Variants in NKAIN2 observed in about 807,000 individuals in gnomAD.
The protein encoded by NKAIN2 is sodium/potassium-transporting ATPase subunit beta-1-interacting protein 2.
A neutral mutation model predicts 32.6 loss-of-function variants in NKAIN2; 14 were observed. The observed-to-expected ratio is 0.43, with a 90% CI of 0.28 to 0.67. NKAIN2 has a LOEUF of 0.67. NKAIN2 is among the 30% of genes least tolerant of loss of function. NKAIN2 has a pLI of 0.17. For missense variants in NKAIN2, 198 were observed against 258.3 expected (o/e 0.77, Z 1.60); for synonymous variants, 80 against 87.2 (o/e 0.92, Z 0.46).
At chr6:123,907,051 G>A (rs571531556) in intron 1 of NKAIN2, among the ~76,000 whole-genome samples, 1 of 152,260 alleles carries the variant, frequency 6.6e-6, no homozygotes, top group South Asian at 2.1e-4. Context: ...CTGATCTCCT[G>A]TGAACAGTGG....
chr6:124,683,650 T>G (rs1773727177), intron 4 of NKAIN2, among the ~76,000 whole-genome samples: 1 of 152,252 alleles, frequency 6.6e-6, no homozygotes, highest in African/African-American at 2.4e-5. Flanking sequence ...TTGACTAGTG[T>G]GCAAGCACCT....
rs1161132958 is a variant in NKAIN2 at position 124,313,726 on chromosome 6, C to T, written c.192+30584C>T. On this transcript the variant is annotated intron_variant, in intron 2 of 6. Coordinates refer to ENST00000368417, the MANE Select transcript of NKAIN2 (RefSeq NM_001040214.3). ...TCTCCAATTGTACACTCTGGGTGGC[C>T]GGTTTCCCCATGCTGGCTCTTTGAC... Among the ~76,000 whole-genome samples, 4 of 152,038 alleles carry T rather than the reference C, an allele frequency of 2.6e-5. No homozygotes were observed. The South Asian group carries it at 6.2e-4, about 24-fold the overall frequency.
At chr6:124,508,092 AAAG>A (rs1174479295) in intron 3 of NKAIN2, among the ~76,000 whole-genome samples, 1 of 16,198 alleles carries the variant, frequency 6.2e-5, no homozygotes, top group Non-Finnish European at 2.6e-4. Context: ...ATCTGTACCA[AAAG>A]AAAAAAAAAA....
chr6:124,740,357 C>T (rs1199782147), intron 4 of NKAIN2, among the ~76,000 whole-genome samples: 1 of 151,442 alleles, frequency 6.6e-6, no homozygotes, highest in African/African-American at 2.4e-5. Context: ...CCAATGGACC[C>T]ATCAGAGAAG....
intron 1 of NKAIN2, among the ~76,000 whole-genome samples, chr6:123,924,699 T>C (rs974306976): frequency 1.3e-5 from 2 of 152,156 alleles, no homozygotes; most frequent in African/African-American, 4.8e-5. Context: ...ACGAGTGGAC[T>C]GGACTCAATG....
intron 5 of NKAIN2, 43 bp from the exon 6 acceptor site, chr6:124,818,344 A>G (rs1368606167): frequency 2.9e-6 from 3 of 1,035,440 alleles, no homozygotes; most frequent in African/African-American, 3.1e-5. Flanking sequence ...TCATGGATGT[A>G]TATCTCTTCT....
At chr6:124,022,392 T>G (rs1780908002) in intron 1 of NKAIN2, among the ~76,000 whole-genome samples, 1 of 152,174 alleles carries the variant, frequency 6.6e-6, no homozygotes, top group Non-Finnish European at 1.5e-5. Flanking sequence ...TGATTTATAA[T>G]CTTTTGGGTA....
At chr6:124,566,346 T>A (rs985961214) in intron 3 of NKAIN2, among the ~76,000 whole-genome samples, 1 of 152,170 alleles carries the variant, frequency 6.6e-6, no homozygotes, top group African/African-American at 2.4e-5. Context: ...ATTTTTCATT[T>A]GTTTGTATCT....
At chr6:124,236,947 A>G (rs945735935) in intron 1 of NKAIN2, among the ~76,000 whole-genome samples, 13 of 152,204 alleles carry the variant, frequency 8.5e-5, no homozygotes, top group African/African-American at 3.1e-4. Flanking sequence ...GCAATGTAAA[A>G]AAAGGAACAT....
At chr6:124,310,142 CGAAGAAAAAT>C (rs1281338340) in intron 2 of NKAIN2, among the ~76,000 whole-genome samples, 1 of 151,798 alleles carries the variant, frequency 6.6e-6, no homozygotes, top group Non-Finnish European at 1.5e-5. Context: ...GATCAAACCA[CGAAGAAAAAT>C]GAAGAAAAAT....
intron 1 of NKAIN2, among the ~76,000 whole-genome samples, chr6:124,070,415 C>T (rs181399021): frequency 6.6e-6 from 1 of 152,232 alleles, no homozygotes; most frequent in East Asian, 1.9e-4. Context: ...TTAAATTCTT[C>T]CTTCTGCATC....
Position 124,214,495 on chromosome 6 carries a change from TCCCA to T in NKAIN2, c.55-68509_55-68506del, listed in dbSNP as rs1323149070. ...CGGGTGTGGTGGCTCACACCTGTAATCCCAGCACTTTGGGAAGCCAAGGAGGGCA... is the reference window on the plus strand; with the variant it reads ...CGGGTGTGGTGGCTCACACCTGTAATGCACTTTGGGAAGCCAAGGAGGGCA... On this transcript the variant is annotated intron_variant, in intron 1 of 6. Transcript: ENST00000368417. Among the ~76,000 whole-genome samples, 158 of 152,168 alleles carry T rather than the reference TCCCA, an allele frequency of 1.0e-3. 1 individual carries two copies. The highest frequency in any genetic ancestry group is 3.7e-3 in the African/African-American group (153 of 41,514).
At chr6:124,091,234 GA>G (rs1784404126) in intron 1 of NKAIN2, among the ~76,000 whole-genome samples, 1 of 151,862 alleles carries the variant, frequency 6.6e-6, no homozygotes, top group African/African-American at 2.4e-5. Flanking sequence ...TATACCACCA[GA>G]CCAAAGAACT....
intron 1 of NKAIN2, among the ~76,000 whole-genome samples, chr6:124,127,018 GATGAT>G (rs1337496679): frequency 2.6e-5 from 4 of 152,028 alleles, no homozygotes; most frequent in Admixed American, 6.6e-5. Flanking sequence ...AGCTATGAAG[GATGAT>G]ATGATATGAT....
At chr6:124,807,874 G>C (rs935795260) in intron 5 of NKAIN2, among the ~76,000 whole-genome samples, 7 of 150,722 alleles carry the variant, frequency 4.6e-5, no homozygotes, top group African/African-American at 1.7e-4. Flanking sequence ...AAATAAACTA[G>C]AAAATCTAGA....
chr6:124,080,620 T>TAAAAGG (rs1192857073), intron 1 of NKAIN2, among the ~76,000 whole-genome samples: 2 of 151,970 alleles, frequency 1.3e-5, no homozygotes, highest in African/African-American at 4.8e-5. Context: ...ATTTCCCAAT[T>TAAAAGG]AAAAGGAAAA....
intron 3 of NKAIN2, among the ~76,000 whole-genome samples, chr6:124,569,230 C>T (rs1002419629): frequency 3.3e-5 from 5 of 152,270 alleles, no homozygotes; most frequent in Non-Finnish European, 7.4e-5. Flanking sequence ...TCACTAATTC[C>T]TTGTAAAATA....
intron 1 of NKAIN2, among the ~76,000 whole-genome samples, chr6:124,255,682 G>A (rs1793896193): frequency 1.3e-5 from 2 of 152,184 alleles, no homozygotes; most frequent in Non-Finnish European, 2.9e-5. Flanking sequence ...TCAGTGATCA[G>A]AATGTTCAAA....
At chr6:124,330,380 G>A (rs1797604875) in intron 2 of NKAIN2, among the ~76,000 whole-genome samples, 2 of 152,304 alleles carry the variant, frequency 1.3e-5, no homozygotes, top group South Asian at 4.1e-4. Context: ...AGAGAAGCAT[G>A]ACTGGTCAGA....
Sources: allele counts gnomAD v4.1 joint callset (sites outside exome capture counted in the v4.1 genomes callset), GRCh38; gene constraint gnomAD v4.1.1; transcripts MANE v1.5; gene names NCBI Gene and HGNC (gene_info 2026-07-23, HGNC 2026-07-21).